Variants in NBEAL2 observed in about 807,000 individuals in gnomAD.
NBEAL2 encodes neurobeachin-like protein 2.
NBEAL2 carries 160 observed loss-of-function variants against 299.8 expected under a neutral mutation model. That is an observed-to-expected ratio of 0.53 (90% confidence interval 0.47 to 0.61). The LOEUF is 0.61. Among genes scored for constraint, NBEAL2 ranks in the 20% least tolerant of loss-of-function variants. NBEAL2 has a pLI of 0.00. For synonymous variants in NBEAL2, 1,493 were observed against 1,542.3 expected, an observed-to-expected ratio of 0.97 and a Z score of 0.75; for missense variants, 3,112 against 3,649.0, an observed-to-expected ratio of 0.85 and a Z score of 3.79.
Position 47,005,591 on chromosome 3 carries a change from C to G in NBEAL2, c.6663C>G (p.Tyr2221Ter). The G allele has an allele frequency of 6.2e-7, 1 of 1,613,526 alleles. No individual in the cohort carries two copies. Among genetic ancestry groups the G allele is most frequent in the African/African-American group, 1.3e-5 (1 of 75,066 alleles). ...AGGAGCTCATCCCGGAATTCTTCTA[C>G]TTTCCTGACTTCCTGGAGAACCAGA... ...DVKELIPEFF[Y>*]FPDFLENQNG... The change falls in exon 41 of 54, where the codon TAC (tyrosine) becomes TAG (stop). Residue 2221 changes from tyrosine (Y) to a stop codon, truncating the protein, a stop_gained. Coordinates refer to ENST00000450053, the MANE Select transcript of NBEAL2 (RefSeq NM_015175.3). LOFTEE classifies it high-confidence loss of function.
chr3:46,992,082 T>A, intron 9 of NBEAL2, 136 bp downstream of exon 9: 2 of 809,046 alleles, frequency 2.5e-6, no homozygotes, highest in South Asian at 3.1e-5. Flanking sequence ...TGGCTTGCAG[T>A]TCAGTGGGAG....
At chr3:46,986,400 T>C (rs551704701) in intron 1 of NBEAL2, among the ~76,000 whole-genome samples, 1 of 151,980 alleles carries the variant, frequency 6.6e-6, no homozygotes, top group South Asian at 2.1e-4. Context: ...CAGTGGGGCA[T>C]AGGGTGGGAA....
At position 46,988,709 on chromosome 3, in the gene NBEAL2, T is replaced by C; in HGVS notation, c.92T>C (p.Val31Ala). 18 of 1,613,920 alleles carry C rather than the reference T, an allele frequency of 1.1e-5. No individual in the cohort carries two copies. Among genetic ancestry groups the C allele is most frequent in the Non-Finnish European group, 1.4e-5 (17 of 1,179,828 alleles). Reference sequence around the variant, plus strand: ...CTGCAGCAGTGGCTGAAGGCCTTTGTAGGTGCCTTCAAGAAGAGCATCTCA... The same window carrying C: ...CTGCAGCAGTGGCTGAAGGCCTTTGCAGGTGCCTTCAAGAAGAGCATCTCA... ...GYLQQWLKAF[V>A]GAFKKSISLS... is the part of the protein sequence containing the mutation. The change falls in exon 2 of 54, where the codon GTA becomes GCA. Residue 31 changes from valine to alanine, a missense_variant. Val to Ala is a moderately conservative substitution (Grantham distance 64). Transcript: ENST00000450053. This position sits in a 1 kb window ranked among gnomAD's most constrained non-coding sequence, Gnocchi z 4.4.
In NBEAL2 at chr3:47,001,361, G is replaced by T. The variant is rs772732481; in HGVS notation, c.4567G>T (p.Ala1523Ser). The T allele has an allele frequency of 1.9e-6, 3 of 1,613,378 alleles. No individual in the cohort carries two copies. Among genetic ancestry groups the T allele is most frequent in the Non-Finnish European group, 2.5e-6 (3 of 1,179,884 alleles). The change falls in exon 29 of 54, where the codon GCG becomes TCG. Residue 1523 changes from alanine to serine, a missense_variant. By Grantham distance (99) the Ala-to-Ser change is moderately conservative (BLOSUM62 1). This residue lies in a region of NBEAL2 where 2,243 missense variants were observed against 2,538.1 expected (regional missense o/e 0.88). Transcript: ENST00000450053. The surrounding 1 kb of genome is among the most constrained non-coding windows in gnomAD (Gnocchi z 6.1). ...VGVLASLTQQ[A>S]LWLLRLLQDF... Reference sequence around the variant, plus strand: ...GGTCCTGGCCAGCCTCACCCAGCAAGCGCTTTGGCTGCTGCGTCTGCTGCA... The same window carrying T: ...GGTCCTGGCCAGCCTCACCCAGCAATCGCTTTGGCTGCTGCGTCTGCTGCA...
chr3:47,009,453 G>C lies in NBEAL2; in HGVS notation c.*133G>C. ...GCGGGGCCCACCCTGCCCAGCTCAG[G>C]GATTGGCGGGCGATGTTACCCCCTC... is the stretch of plus-strand genomic sequence containing the variant. On this transcript the variant is annotated 3_prime_UTR_variant, in exon 54 of 54. Transcript: ENST00000450053. 1 of 836,742 alleles carries C rather than the reference G, an allele frequency of 1.2e-6. No individual in the cohort carries two copies. Among genetic ancestry groups the C allele is most frequent in the Non-Finnish European group, 1.9e-6 (1 of 531,152 alleles). The allele number at this position is 836,742 out of a possible 1,614,324, so 51.8% of individuals were successfully genotyped here.
chr3:47,000,910 G>A lies in NBEAL2; in HGVS notation c.4306-91G>A. On this transcript the variant is annotated intron_variant, in intron 27 of 53. Transcript: ENST00000450053. The surrounding 1 kb of genome is among the most constrained non-coding windows in gnomAD (Gnocchi z 4.5). ...TGACTCCTGGGTGGCTACCCCAGGA[G>A]GGGTGCTGAGTGGGGATGGGTGGGC... 1.3e-6 allele frequency: 2 copies of A among 1,531,012 alleles called. No homozygotes were observed. Among genetic ancestry groups the A allele is most frequent in the Non-Finnish European group, 1.8e-6 (2 of 1,132,910 alleles). The allele number at this position is 1,531,012 out of a possible 1,614,324, so 94.8% of individuals were successfully genotyped here.
At chr3:46,985,737 G>A (rs891289271) in intron 1 of NBEAL2, among the ~76,000 whole-genome samples, 8 of 152,164 alleles carry the variant, frequency 5.3e-5, no homozygotes, top group African/African-American at 1.7e-4. Context: ...GGCTGCTCCC[G>A]ACCTGCCTTC....
At chr3:47,008,938 G>T in intron 52 of NBEAL2, 51 bp from the exon 53 acceptor site, 3 of 1,596,806 alleles carry the variant, frequency 1.9e-6, no homozygotes, top group Non-Finnish European at 2.5e-6. Flanking sequence ...TCTGCTGGTC[G>T]CAAAGCCCCC....
chr3:47,008,124 G>A lies in NBEAL2; in HGVS notation c.7657G>A (p.Gly2553Arg). 1 of 1,614,030 alleles carries A rather than the reference G, an allele frequency of 6.2e-7. No individual in the cohort carries two copies. The highest frequency in any genetic ancestry group is 8.5e-7 in the Non-Finnish European group (1 of 1,179,888). The change falls in exon 50 of 54, where the codon GGG (glycine) becomes AGG (arginine). Residue 2553 changes from glycine (G) to arginine (R), a missense_variant. By Grantham distance (125) the Gly-to-Arg change is moderately radical. This residue lies in a region of NBEAL2 where 348 missense variants were observed against 381.4 expected (regional missense o/e 0.91). Coordinates refer to ENST00000450053, the MANE Select transcript of NBEAL2 (RefSeq NM_015175.3). ...PKPVQVLYGH[G>R]AAVSCVAIST... is the part of the protein sequence containing the mutation. ...GCCTGTGCAGGTCCTGTATGGGCAT[G>A]GGGCTGCAGTGAGCTGTGTGGCCAT...
intron 43 of NBEAL2, 39 bp from the exon 44 acceptor site, chr3:47,006,126 G>A: frequency 1.9e-6 from 3 of 1,613,166 alleles, no homozygotes; most frequent in African/African-American, 1.3e-5. Flanking sequence ...GATGCAGAGG[G>A]CACGCAGGGA....
chr3:46,996,868 C>T, intron 17 of NBEAL2, 35 bp downstream of exon 17: 1 of 1,610,410 alleles, frequency 6.2e-7, no homozygotes, highest in South Asian at 1.1e-5. Flanking sequence ...GTTGGCTCGA[C>T]TGTGCTACTT....
Position 47,003,983 on chromosome 3 carries a change from C to T in NBEAL2, c.5881+7C>T, listed in dbSNP as rs2037226862. On this transcript the variant is annotated splice_region_variant and intron_variant, in intron 36 of 53. Coordinates refer to ENST00000450053, the MANE Select transcript of NBEAL2 (RefSeq NM_015175.3). This position sits in a 1 kb window ranked among gnomAD's most constrained non-coding sequence, Gnocchi z 7.0. ...CGCGTGGAAACCGAGGAGGGTGCGT[C>T]CTGGTGGTGTGGTTTAGGAGGATGG... is the stretch of plus-strand genomic sequence containing the variant. The T allele has an allele frequency of 6.2e-7, 1 of 1,612,352 alleles. No individual in the cohort carries two copies. Among genetic ancestry groups the T allele is most frequent in the African/African-American group, 1.3e-5 (1 of 74,788 alleles).
rs1333295574 is a variant in NBEAL2 at position 46,989,478 on chromosome 3, C to T, written c.474-33C>T. 1 of 1,571,624 alleles carries T rather than the reference C, an allele frequency of 6.4e-7. No homozygotes were observed. The highest frequency in any genetic ancestry group is 1.2e-5 in the South Asian group (1 of 85,596). On this transcript the variant is annotated intron_variant, in intron 5 of 53. Transcript: ENST00000450053. The surrounding 1 kb of genome is among the most constrained non-coding windows in gnomAD (Gnocchi z 5.5). ...GGGTGACGGCCAGGAGTGGTGAGAG[C>T]CGGGCTGATGTACTTGGCCTCACTG...
rs2036435124 is a variant in NBEAL2 at position 46,995,607 on chromosome 3, A to ACTGCCCCCACCCCTACCCCTGCCC, written c.1873_1874insTGCCCCCACCCCTACCCCTGCCCC (p.Arg624_Pro625insLeuProProProLeuProLeuPro). ...CAGCACCTACCCCTGCCCCCACCCG[A>ACTGCCCCCACCCCTACCCCTGCCC]CCACTCCAGCGAAAGCAGCTGTACA... On this transcript the variant is annotated inframe_insertion, in exon 13 of 54. Coordinates refer to ENST00000450053, the MANE Select transcript of NBEAL2 (RefSeq NM_015175.3). The ACTGCCCCCACCCCTACCCCTGCCC allele has an allele frequency of 6.2e-7, 1 of 1,611,464 alleles. No individual in the cohort carries two copies.
Position 47,008,112 on chromosome 3 carries a change from C to T in NBEAL2, c.7645C>T (p.Leu2549=), listed in dbSNP as rs1200290422. Residue 2549 remains leucine (L), a synonymous_variant, in exon 50 of 54, where the codon CTG becomes TTG. Coordinates refer to ENST00000450053, the MANE Select transcript of NBEAL2 (RefSeq NM_015175.3). ...VGLAPKPVQV[L]YGHGAAVSCV... Reference sequence around the variant, plus strand: ...CCTGGCACCAAAGCCTGTGCAGGTCCTGTATGGGCATGGGGCTGCAGTGAG... The same window carrying T: ...CCTGGCACCAAAGCCTGTGCAGGTCTTGTATGGGCATGGGGCTGCAGTGAG... The T allele has an allele frequency of 6.2e-7, 1 of 1,613,904 alleles. No homozygotes were observed. The highest frequency in any genetic ancestry group is 8.5e-7 in the Non-Finnish European group (1 of 1,179,896).
intron 6 of NBEAL2, among the ~76,000 whole-genome samples, chr3:46,990,200 C>G (rs1307916442): frequency 6.6e-6 from 1 of 152,148 alleles, no homozygotes; most frequent in Admixed American, 6.5e-5. Flanking sequence ...TTAAATGTCT[C>G]AGTGATGCCC....
intron 1 of NBEAL2, among the ~76,000 whole-genome samples, chr3:46,980,490 A>G (rs571400147): frequency 6.6e-6 from 1 of 151,984 alleles, no homozygotes; most frequent in African/African-American, 2.4e-5. Flanking sequence ...CCTGACTTGA[A>G]ATGACCCACC....
At position 47,003,839 on chromosome 3, in the gene NBEAL2, A is replaced by C. The variant is rs774627817; in HGVS notation, c.5744A>C (p.Glu1915Ala). 3 of 1,610,066 alleles carry C rather than the reference A, an allele frequency of 1.9e-6. No homozygotes were observed. In the South Asian group the frequency reaches 3.3e-5, roughly 18 times the overall value. Reference protein sequence around the residue: ...ETPMEAAELDEQREKLVLSAE... With the variant: ...ETPMEAAELDAQREKLVLSAE... ...AGGATGGAGGCAGCAGAACTGGATG[A>C]GCAGCGTGAGAAGCTGGTGCTGTCG... The change falls in exon 36 of 54, where the codon GAG becomes GCG. Residue 1915 changes from glutamate to alanine, a missense_variant. Transcript: ENST00000450053. This position sits in a 1 kb window ranked among gnomAD's most constrained non-coding sequence, Gnocchi z 7.0.
intron 1 of NBEAL2, among the ~76,000 whole-genome samples, chr3:46,983,039 A>G (rs140039890): frequency 2.2e-3 from 331 of 152,316 alleles, no homozygotes; most frequent in Middle Eastern, 6.8e-3. Context: ...ATGGGGTCAC[A>G]GAGTGAGGGG....
Sources: gnomAD v4.1 joint callset for allele counts (sites outside exome capture counted in the v4.1 genomes callset) on GRCh38, gnomAD v4.1.1 for gene constraint, gnomAD v4.1.1 regional missense constraint, Gnocchi (gnomAD v3.1) non-coding constraint, MANE v1.5 for transcripts, NCBI Gene and HGNC (gene_info 2026-07-23, HGNC 2026-07-21) for gene names.